The following CDC42BPA variants were observed in gnomAD, a reference collection of about 807,000 sequenced individuals.
The protein encoded by CDC42BPA is CDC42 binding protein kinase alpha, also known as serine/threonine-protein kinase MRCK alpha.
Under a neutral mutation model 223.5 loss-of-function variants are expected in CDC42BPA, and 80 were observed. That is an observed-to-expected ratio of 0.36 (90% CI 0.30 to 0.43). The LOEUF is 0.43. Ranked by LOEUF, CDC42BPA falls within the 20% of genes least tolerant of loss-of-function variation. The probability of loss-of-function intolerance (pLI) is 1.00; values close to 1 mark genes in which losing one functional copy is unlikely to be tolerated. For synonymous variants in CDC42BPA, 694 were observed against 718.6 expected (o/e 0.97, Z 0.55); for missense variants, 1,743 against 2,099.9 (o/e 0.83, Z 3.32).
chr1:227,256,658 GA>G (rs1683075447), intron 1 of CDC42BPA, among the ~76,000 whole-genome samples: 1 of 152,072 alleles, frequency 6.6e-6, no homozygotes, highest in Non-Finnish European at 1.5e-5. Flanking sequence ...AACAAGTGAT[GA>G]AGAGGATGTG....
chr1:227,299,171 G>C (rs1691218890), intron 1 of CDC42BPA, among the ~76,000 whole-genome samples: 1 of 152,158 alleles, frequency 6.6e-6, no homozygotes, highest in Non-Finnish European at 1.5e-5. Flanking sequence ...AATGAAACTT[G>C]ACTTTTTAAC....
intron 2 of CDC42BPA, among the ~76,000 whole-genome samples, chr1:227,244,660 T>G (rs928698941): frequency 6.6e-6 from 1 of 152,210 alleles, no homozygotes; most frequent in African/African-American, 2.4e-5. Flanking sequence ...CACACCATGC[T>G]GGAACAGCAA....
intron 35 of CDC42BPA, among the ~76,000 whole-genome samples, chr1:227,002,431 C>G (rs1051228324): frequency 6.6e-6 from 1 of 152,228 alleles, no homozygotes; most frequent in Non-Finnish European, 1.5e-5. Flanking sequence ...AAGTTGCAAA[C>G]TGTACATTTC....
chr1:227,201,427 G>A (rs1015056719), intron 3 of CDC42BPA, among the ~76,000 whole-genome samples: 2 of 152,058 alleles, frequency 1.3e-5, no homozygotes, highest in African/African-American at 2.4e-5. Flanking sequence ...ACAGGCATGA[G>A]CTACCACACC....
intron 1 of CDC42BPA, among the ~76,000 whole-genome samples, chr1:227,260,718 T>C (rs999662947): frequency 6.6e-6 from 1 of 151,158 alleles, no homozygotes; most frequent in African/African-American, 2.5e-5. Flanking sequence ...CCCATTATTT[T>C]CCTTCTTCTC....
chr1:227,004,713 G>A lies in CDC42BPA; in HGVS notation c.4975+281C>T, dbSNP rs1663634927. 2.3e-5 allele frequency: 11 copies of A among 471,822 alleles called. No homozygotes were observed. In the South Asian group the frequency reaches 2.4e-4, roughly 10 times the overall value. 29.2% of individuals were successfully genotyped at this position (471,822 alleles called of 1,614,324 possible). A position where few individuals can be genotyped will look rare whatever the true frequency, so the allele number is the denominator to read the frequency against. On this transcript the variant is annotated intron_variant, in intron 35 of 36. Coordinates refer to ENST00000366766, the MANE Select transcript of CDC42BPA (RefSeq NM_001394014.1). ...CTACCCCTTGTTATTCTCTATTAAT[G>A]TATGCTGTTTACTTCCTTCAGAGCC...
intron 15 of CDC42BPA, among the ~76,000 whole-genome samples, chr1:227,098,621 C>T (rs1288697212): frequency 6.6e-6 from 1 of 151,992 alleles, no homozygotes; most frequent in Non-Finnish European, 1.5e-5. Flanking sequence ...CTTCCTTTTT[C>T]TCCCTCATCC....
chr1:227,196,720 T>G (rs2150183760), intron 4 of CDC42BPA, among the ~76,000 whole-genome samples: 1 of 152,304 alleles, frequency 6.6e-6, no homozygotes, highest in Admixed American at 6.5e-5. Context: ...GAATTTAGAG[T>G]TCATATGAGT....
chr1:227,194,925 A>T (rs2150162825), intron 4 of CDC42BPA, among the ~76,000 whole-genome samples: 1 of 152,258 alleles, frequency 6.6e-6, no homozygotes, highest in Admixed American at 6.5e-5. Context: ...AGTGAGTACA[A>T]GACACATGAA....
chr1:227,264,991 T>G (rs1684736260), intron 1 of CDC42BPA: 1 of 857,916 alleles, frequency 1.2e-6, no homozygotes, highest in African/African-American at 1.7e-5. Context: ...GCTGCTACCT[T>G]TTTCTTACAT....
In CDC42BPA at chr1:227,069,762, A is replaced by G. The variant is rs530083653; in HGVS notation, c.2904+15T>C. 1.9e-6 allele frequency: 3 copies of G among 1,567,138 alleles called. No homozygotes were observed. The highest frequency in any genetic ancestry group is 2.2e-5 in the South Asian group (2 of 89,026). ...AAATTGACCCCAGAGGATATGTGACATGTTTAATACTTACTTCAAATTGAT... is the reference window on the plus strand; with the variant it reads ...AAATTGACCCCAGAGGATATGTGACGTGTTTAATACTTACTTCAAATTGAT... On this transcript the variant is annotated intron_variant, in intron 21 of 36. Transcript: ENST00000366766.
intron 21 of CDC42BPA, among the ~76,000 whole-genome samples, chr1:227,065,375 C>A (rs1676831555): frequency 6.6e-6 from 1 of 152,158 alleles, no homozygotes. Flanking sequence ...TACATTCCCC[C>A]AAGTTAGAGA....
At chr1:227,090,863 C>T (rs6426565) in intron 16 of CDC42BPA, among the ~76,000 whole-genome samples, 43,027 of 151,838 alleles carry the variant, frequency 0.28, 6,278 homozygotes, top group African/African-American at 0.35. Context: ...CAACTGCTTG[C>T]TAGGAATTAG....
rs1328189797 is a variant in CDC42BPA at position 226,991,013 on chromosome 1, A to G, written c.*3255T>C. ...GTGTGTTGGGGATGTGTATAAATAC[A>G]TACATAATAACAAAAAATGTAAGAT... is the stretch of plus-strand genomic sequence containing the variant. On this transcript the variant is annotated 3_prime_UTR_variant, in exon 37 of 37. Transcript: ENST00000366766. 6.6e-6 allele frequency: 1 copy of G among 152,604 alleles called. No individual in the cohort carries two copies. Among genetic ancestry groups the G allele is most frequent in the African/African-American group, 2.4e-5 (1 of 41,432 alleles). The allele number at this position is 152,604 out of a possible 1,614,324, so 9.5% of individuals were successfully genotyped here.
At chr1:227,016,032 C>T (rs933653418) in intron 34 of CDC42BPA, 48 bp downstream of exon 34, 1 of 929,338 alleles carries the variant, frequency 1.1e-6, no homozygotes, top group East Asian at 2.4e-5. Flanking sequence ...TGTATTTATA[C>T]TCCCCCCACA....
chr1:227,006,438 A>G (rs1403609286), intron 34 of CDC42BPA, among the ~76,000 whole-genome samples: 1 of 152,224 alleles, frequency 6.6e-6, no homozygotes, highest in East Asian at 1.9e-4. Flanking sequence ...GGGGTTGCTA[A>G]ACTCTGTGCC....
intron 10 of CDC42BPA, among the ~76,000 whole-genome samples, chr1:227,135,645 G>A (rs1658335322): frequency 6.6e-6 from 1 of 152,020 alleles, no homozygotes; most frequent in South Asian, 2.1e-4. Flanking sequence ...ACGAGGTCAG[G>A]AGATCGAGAC....
At chr1:227,155,653 G>A (rs892645362) in intron 6 of CDC42BPA, among the ~76,000 whole-genome samples, 3 of 152,188 alleles carry the variant, frequency 2.0e-5, no homozygotes, top group Non-Finnish European at 4.4e-5. Context: ...TGGAGAGTTT[G>A]AGGATAAATT....
In CDC42BPA at chr1:226,994,832, A is replaced by G. The variant is rs1292361151; in HGVS notation, c.5124T>C (p.Phe1708=). ...DQGSDAPARD[F]DGEDSDSPRH... ...AACCCTGCCCACTCACCTCTCCGTC[A>G]AAGTCCCTCGCTGGGGCATCACTTC... The change falls in exon 36 of 37, where the codon TTT becomes TTC. Residue 1708 remains phenylalanine, a synonymous_variant. Transcript: ENST00000366766. The surrounding 1 kb of genome is among the most constrained non-coding windows in gnomAD (Gnocchi z 4.0). The G allele has an allele frequency of 4.3e-6, 7 of 1,611,466 alleles. No homozygotes were observed. The highest frequency in any genetic ancestry group is 5.9e-6 in the Non-Finnish European group (7 of 1,178,530).
Sources: allele counts gnomAD v4.1 joint callset (sites outside exome capture counted in the v4.1 genomes callset), GRCh38; gene constraint gnomAD v4.1.1; non-coding constraint Gnocchi (gnomAD v3.1); transcripts MANE v1.5; gene names NCBI Gene and HGNC (gene_info 2026-07-23, HGNC 2026-07-21).